CADPS: variants seen among roughly 807,000 people sequenced by gnomAD.
The protein encoded by CADPS is calcium-dependent secretion activator 1.
CADPS carries 57 observed loss-of-function variants against 167.3 expected under a neutral mutation model. The observed-to-expected ratio is 0.34, with a 90% CI of 0.28 to 0.42. The LOEUF (loss-of-function observed/expected upper bound fraction) is 0.42, where lower values mean the gene tolerates loss of function less well. Among genes scored for constraint, CADPS ranks in the 20% least tolerant of loss-of-function variants. The pLI is 1.00. For missense variants in CADPS, 1,414 were observed against 1,738.1 expected (o/e 0.81, Z 3.32); for synonymous variants, 676 against 635.3 (o/e 1.06, Z -0.96).
chr3:62,620,439 A>T (rs1327267341), intron 6 of CADPS, among the ~76,000 whole-genome samples: 2 of 152,202 alleles, frequency 1.3e-5, no homozygotes, highest in African/African-American at 4.8e-5. Flanking sequence ...GCAACAATGA[A>T]AACAATAACA....
chr3:62,620,510 C>G (rs1358726899), intron 6 of CADPS, among the ~76,000 whole-genome samples: 1 of 152,162 alleles, frequency 6.6e-6, no homozygotes, highest in Non-Finnish European at 1.5e-5. Context: ...ACACTTCAAA[C>G]ACAGTGTCTT....
chr3:62,863,944 T>C (rs1387893346), intron 1 of CADPS, among the ~76,000 whole-genome samples: 1 of 152,146 alleles, frequency 6.6e-6, no homozygotes, highest in Non-Finnish European at 1.5e-5. Flanking sequence ...TGTGAGGACA[T>C]TGAAAGGAGA....
chr3:62,798,447 A>G (rs1288333590), intron 1 of CADPS, among the ~76,000 whole-genome samples: 1 of 152,126 alleles, frequency 6.6e-6, no homozygotes, highest in Non-Finnish European at 1.5e-5. Context: ...TGAAGCCTGC[A>G]CTGTTGGCTT....
intron 21 of CADPS, among the ~76,000 whole-genome samples, chr3:62,488,227 T>C (rs1264178467): frequency 1.3e-5 from 2 of 152,148 alleles, no homozygotes; most frequent in Non-Finnish European, 2.9e-5. Flanking sequence ...AGAAGAGAAA[T>C]GAATCTGCTT....
chr3:62,772,638 G>A (rs984991307), intron 1 of CADPS, among the ~76,000 whole-genome samples: 1 of 152,092 alleles, frequency 6.6e-6, no homozygotes, highest in African/African-American at 2.4e-5. Context: ...ATTTCTACTT[G>A]TTCAAGTCAC....
chr3:62,684,152 T>C (rs2077583834), intron 3 of CADPS, among the ~76,000 whole-genome samples: 1 of 152,090 alleles, frequency 6.6e-6, no homozygotes, highest in African/African-American at 2.4e-5. Flanking sequence ...GGGAAATATG[T>C]TTTCCATTTC....
At chr3:62,750,536 T>C (rs2082479527) in intron 3 of CADPS, among the ~76,000 whole-genome samples, 1 of 152,180 alleles carries the variant, frequency 6.6e-6, no homozygotes, top group South Asian at 2.1e-4. Flanking sequence ...GATGGTTTCT[T>C]TGTTGAGACT....
At chr3:62,596,936 A>G (rs1032548255) in intron 6 of CADPS, among the ~76,000 whole-genome samples, 4 of 152,232 alleles carry the variant, frequency 2.6e-5, no homozygotes, top group African/African-American at 4.8e-5. Context: ...ACCAGAACCC[A>G]AAATCTCATT....
intron 28 of CADPS, among the ~76,000 whole-genome samples, chr3:62,408,833 C>T (rs759273822): frequency 1.1e-4 from 16 of 152,186 alleles, no homozygotes; most frequent in Non-Finnish European, 2.2e-4. Flanking sequence ...TTTTCATACT[C>T]AATTGTCACA....
chr3:62,399,328 C>T lies in CADPS; in HGVS notation c.*78G>A. The stretch of plus-strand genomic sequence containing the variant: ...GGGCATGGTAGTTGACAGAAAATTC[C>T]TAATGGGTTTAACTAACAGACTAAG... On this transcript the variant is annotated 3_prime_UTR_variant, in exon 30 of 30. Transcript: ENST00000383710. This position sits in a 1 kb window ranked among gnomAD's most constrained non-coding sequence, Gnocchi z 5.6. The T allele has an allele frequency of 1.4e-6, 2 of 1,390,300 alleles. No homozygotes were observed. The highest frequency in any genetic ancestry group is 2.7e-5 in the South Asian group (2 of 75,040). The allele number at this position is 1,390,300 out of a possible 1,614,324, so 86.1% of individuals were successfully genotyped here.
chr3:62,799,925 G>A (rs2093665228), intron 1 of CADPS, among the ~76,000 whole-genome samples: 4 of 152,290 alleles, frequency 2.6e-5, no homozygotes, highest in Middle Eastern at 6.8e-3. Flanking sequence ...TAGAGATAGA[G>A]CTTCTCTGCA....
chr3:62,540,326 A>G (rs935941193), intron 11 of CADPS, among the ~76,000 whole-genome samples: 2 of 151,862 alleles, frequency 1.3e-5, no homozygotes, highest in African/African-American at 4.8e-5. Flanking sequence ...TGGTCAAGAC[A>G]CATACATAAA....
At chr3:62,656,375 T>C (rs1337089352) in intron 4 of CADPS, among the ~76,000 whole-genome samples, 2 of 152,206 alleles carry the variant, frequency 1.3e-5, no homozygotes, top group African/African-American at 4.8e-5. Flanking sequence ...AACCCACTGA[T>C]GCACATGCTT....
chr3:62,422,366 A>G (rs1336516847), intron 28 of CADPS, among the ~76,000 whole-genome samples: 1 of 152,152 alleles, frequency 6.6e-6, no homozygotes, highest in African/African-American at 2.4e-5. Flanking sequence ...CCACTTTCCA[A>G]TGGCCAAGGG....
intron 6 of CADPS, among the ~76,000 whole-genome samples, chr3:62,623,615 T>C (rs2063523923): frequency 6.6e-6 from 1 of 152,178 alleles, no homozygotes; most frequent in Admixed American, 6.5e-5. Flanking sequence ...TTCTGCATGC[T>C]AGCTGTACCT....
chr3:62,769,991 A>C (rs1264695305), intron 1 of CADPS, among the ~76,000 whole-genome samples: 1 of 152,174 alleles, frequency 6.6e-6, no homozygotes, highest in Non-Finnish European at 1.5e-5. Context: ...AAAGAGCCAA[A>C]TGATAAACTC....
Position 62,592,749 on chromosome 3 carries a change from C to G in CADPS, c.1326-1G>C. The G allele has an allele frequency of 1.2e-6, 2 of 1,610,450 alleles. No individual in the cohort carries two copies. The highest frequency in any genetic ancestry group is 1.7e-6 in the Non-Finnish European group (2 of 1,176,734). ...GGAGAAGTCACCCTGGGTGCCCCAG[C>G]TGCAGACAGAATCAAAGAGGTCATT... On this transcript the variant is annotated splice_acceptor_variant, in intron 6 of 29. Coordinates refer to ENST00000383710, the MANE Select transcript of CADPS (RefSeq NM_003716.4). LOFTEE classifies it high-confidence loss of function.
chr3:62,759,837 T>TAAAGTAAA (rs2084953304), intron 2 of CADPS, among the ~76,000 whole-genome samples: 1 of 152,206 alleles, frequency 6.6e-6, no homozygotes, highest in South Asian at 2.1e-4. Flanking sequence ...ACTTTCACGG[T>TAAAGTAAA]CATTTGAAAC....
At chr3:62,425,450 C>T (rs1304873282) in intron 28 of CADPS, among the ~76,000 whole-genome samples, 1 of 152,126 alleles carries the variant, frequency 6.6e-6, no homozygotes, top group Admixed American at 6.5e-5. Flanking sequence ...ACTCTCGGAA[C>T]TTATTTTAAA....
Sources: allele counts gnomAD v4.1 joint callset (sites outside exome capture counted in the v4.1 genomes callset), GRCh38; gene constraint gnomAD v4.1.1; non-coding constraint Gnocchi (gnomAD v3.1); transcripts MANE v1.5; gene names NCBI Gene and HGNC (gene_info 2026-07-23, HGNC 2026-07-21).